The following GTF2E2 variants were observed in gnomAD, a reference collection of about 807,000 sequenced individuals.
GTF2E2 encodes the protein general transcription factor IIE subunit 2, also known as transcription initiation factor IIE subunit beta.
Under a neutral mutation model 40.5 loss-of-function variants are expected in GTF2E2, and 21 were observed. That is an observed-to-expected ratio of 0.52 (90% CI 0.37 to 0.75). GTF2E2 has a LOEUF of 0.75. Among genes scored for constraint, GTF2E2 ranks in the 30% least tolerant of loss-of-function variants. The pLI is 0.00. For missense variants in GTF2E2, 298 were observed against 338.4 expected (o/e 0.88, Z 0.94); for synonymous variants, 117 against 121.6 (o/e 0.96, Z 0.25).
intron 6 of GTF2E2, among the ~76,000 whole-genome samples, chr8:30,589,130 G>A (rs1273035671): frequency 1.3e-5 from 2 of 152,096 alleles, no homozygotes; most frequent in Non-Finnish European, 1.5e-5. Context: ...GGTGGCACAC[G>A]CCTGTAATCA....
chr8:30,619,012 G>A (rs1801006391), intron 3 of GTF2E2, among the ~76,000 whole-genome samples: 1 of 152,120 alleles, frequency 6.6e-6, no homozygotes. Flanking sequence ...GTGCAATCTT[G>A]GGTCACTGCA....
At chr8:30,651,392 T>A (rs981367279) in intron 2 of GTF2E2, among the ~76,000 whole-genome samples, 1 of 152,112 alleles carries the variant, frequency 6.6e-6, no homozygotes, top group East Asian at 1.9e-4. Context: ...TGTTTCTATA[T>A]ACTAGCAATG....
chr8:30,589,631 C>CA (rs1828783221), intron 6 of GTF2E2, among the ~76,000 whole-genome samples: 1 of 152,226 alleles, frequency 6.6e-6, no homozygotes. Context: ...ACTTCATCCT[C>CA]AACATTTCAA....
At chr8:30,631,062 G>A (rs1801426618) in intron 3 of GTF2E2, among the ~76,000 whole-genome samples, 1 of 152,126 alleles carries the variant, frequency 6.6e-6, no homozygotes, top group African/African-American at 2.4e-5. Flanking sequence ...AGGTCTCAAT[G>A]TGTCGCCCAG....
At chr8:30,634,935 T>C in intron 3 of GTF2E2, 97 bp downstream of exon 3, 1 of 645,362 alleles carries the variant, frequency 1.5e-6, no homozygotes, top group South Asian at 2.0e-5. Context: ...TTTTGATAAA[T>C]TTTGATGTAT....
chr8:30,613,724 A>T (rs1800813241), intron 4 of GTF2E2, among the ~76,000 whole-genome samples: 1 of 152,212 alleles, frequency 6.6e-6, no homozygotes, highest in Non-Finnish European at 1.5e-5. Context: ...TTGGTAAAAA[A>T]ATAAATGAAT....
In GTF2E2 at chr8:30,653,540, G is replaced by A; in HGVS notation, c.59C>T (p.Pro20Leu). 6.2e-7 allele frequency: 1 copy of A among 1,612,966 alleles called. No individual in the cohort carries two copies. Among genetic ancestry groups the A allele is most frequent in the Admixed American group, 1.7e-5 (1 of 60,000 alleles). Reference sequence around the variant, plus strand: ...AGATGCTGAACGTTTTTCTACTACAGGAGTAGAAAGAGCTCGTTTTTTGAA... The same window carrying A: ...AGATGCTGAACGTTTTTCTACTACAAGAGTAGAAAGAGCTCGTTTTTTGAA... ...ELFKKRALST[P>L]VVEKRSASSE... The change falls in exon 2 of 8, where the codon CCT becomes CTT. Residue 20 changes from proline to leucine, a missense_variant. Coordinates refer to ENST00000355904, the MANE Select transcript of GTF2E2 (RefSeq NM_002095.6).
chr8:30,626,681 T>C (rs1353064466), intron 3 of GTF2E2, among the ~76,000 whole-genome samples: 1 of 152,158 alleles, frequency 6.6e-6, no homozygotes, highest in Non-Finnish European at 1.5e-5. Flanking sequence ...ACAATTCTAA[T>C]AAGGCAAGTA....
chr8:30,652,751 GTACATGAATA>G (rs1213061389), intron 2 of GTF2E2, among the ~76,000 whole-genome samples: 1 of 152,118 alleles, frequency 6.6e-6, no homozygotes, highest in Non-Finnish European at 1.5e-5. Context: ...ACAAAGACTT[GTACATGAATA>G]TTCATACCAA....
chr8:30,635,315 A>G (rs1236366711), intron 2 of GTF2E2, among the ~76,000 whole-genome samples, 192 bp from the exon 3 acceptor site: 5 of 152,204 alleles, frequency 3.3e-5, no homozygotes, highest in African/African-American at 9.6e-5. Context: ...CACTAAGGGT[A>G]GAAACAAAGT....
intron 3 of GTF2E2, among the ~76,000 whole-genome samples, chr8:30,618,479 C>G (rs1800990247): frequency 6.6e-6 from 1 of 152,064 alleles, no homozygotes; most frequent in African/African-American, 2.4e-5. Flanking sequence ...AAGGGCCCAG[C>G]ATGCATGGCC....
At chr8:30,652,179 G>A (rs1802301911) in intron 2 of GTF2E2, among the ~76,000 whole-genome samples, 1 of 151,990 alleles carries the variant, frequency 6.6e-6, no homozygotes, top group Non-Finnish European at 1.5e-5. Context: ...TCTTAGATAT[G>A]ACACCAAGAA....
intron 3 of GTF2E2, among the ~76,000 whole-genome samples, chr8:30,627,386 T>C (rs184493770): frequency 6.6e-6 from 1 of 150,438 alleles, no homozygotes; most frequent in East Asian, 1.9e-4. Context: ...AGAAACTGTG[T>C]TGGCATCCAC....
In GTF2E2 at chr8:30,658,155, C is replaced by CGGCGGCAGCGGCGGT. The variant is rs1190484103; in HGVS notation, c.-202_-188dup. 5.1e-6 allele frequency: 1 copy of CGGCGGCAGCGGCGGT among 194,720 alleles called. No homozygotes were observed. The highest frequency in any genetic ancestry group is 1.0e-5 in the Non-Finnish European group (1 of 96,262). The allele number at this position is 194,720 out of a possible 1,614,324, so 12.1% of individuals were successfully genotyped here. ...TCACCACTGGCGGTGGCGGCGGCGG[C>CGGCGGCAGCGGCGGT]GGCGGCAGCGGCGGTAGCTGAGGCG... On this transcript the variant is annotated 5_prime_UTR_variant, in exon 1 of 8. Coordinates refer to ENST00000355904, the MANE Select transcript of GTF2E2 (RefSeq NM_002095.6).
At chr8:30,654,608 T>C (rs1208916079) in intron 1 of GTF2E2, among the ~76,000 whole-genome samples, 2 of 152,280 alleles carry the variant, frequency 1.3e-5, no homozygotes, top group Non-Finnish European at 1.5e-5. Flanking sequence ...TCTTGCTATG[T>C]TGCCCAGGCT....
intron 6 of GTF2E2, among the ~76,000 whole-genome samples, chr8:30,594,857 C>CA (rs201819515): frequency 0.053 from 5,608 of 106,362 alleles, 197 homozygotes; most frequent in African/African-American, 0.13. Flanking sequence ...AACTTCATCT[C>CA]AAAAAAAAAA....
chr8:30,622,803 A>C (rs1442028866), intron 3 of GTF2E2, among the ~76,000 whole-genome samples: 1 of 152,090 alleles, frequency 6.6e-6, no homozygotes, highest in Non-Finnish European at 1.5e-5. Context: ...TTGAAAGAAA[A>C]GAAATATGGC....
intron 6 of GTF2E2, among the ~76,000 whole-genome samples, chr8:30,591,106 A>G (rs1030665967): frequency 4.2e-4 from 64 of 152,268 alleles, no homozygotes; most frequent in African/African-American, 1.5e-3. Flanking sequence ...TGTATCCAGA[A>G]TAAAGAATTC....
intron 2 of GTF2E2, chr8:30,636,878 TG>T: frequency 2.9e-6 from 1 of 347,180 alleles, no homozygotes; most frequent in South Asian, 2.1e-5. Context: ...AAAAAAAGAA[TG>T]CCTTATAGGT....
Sources: gnomAD v4.1 joint callset for allele counts (sites outside exome capture counted in the v4.1 genomes callset) on GRCh38, gnomAD v4.1.1 for gene constraint, MANE v1.5 for transcripts, NCBI Gene and HGNC (gene_info 2026-07-23, HGNC 2026-07-21) for gene names.